ACTR3C: variants seen among roughly 807,000 people sequenced by gnomAD.
The protein encoded by ACTR3C is actin related protein 3C, also known as actin-related protein 3C.
Under a neutral mutation model 26.3 loss-of-function variants are expected in ACTR3C, and 18 were observed. The observed-to-expected ratio is 0.68, with a 90% CI of 0.47 to 1.01. ACTR3C has a LOEUF of 1.01. ACTR3C is among the 50% of genes least tolerant of loss of function. The pLI is 0.00. For missense variants in ACTR3C, 184 were observed against 250.7 expected, an observed-to-expected ratio of 0.73 and a Z score of 1.80; for synonymous variants, 55 against 94.5, an observed-to-expected ratio of 0.58 and a Z score of 2.42.
At chr7:150,001,641 T>TG in the ACTR3C span, 46 of 152,018 alleles carry the variant, frequency 3.0e-4, no homozygotes, top group East Asian at 5.8e-3. Context: ...CTCAAATACT[T>TG]GGAGGCATGA....
chr7:150,170,340 T>A, the ACTR3C span, among the ~76,000 whole-genome samples: 1 of 150,916 alleles, frequency 6.6e-6, no homozygotes, highest in South Asian at 2.1e-4. Context: ...TCTTCAACTC[T>A]GCCATGTTCT....
At chr7:150,206,195 G>A in the ACTR3C span, among the ~76,000 whole-genome samples, 1 of 152,104 alleles carries the variant, frequency 6.6e-6, no homozygotes, top group South Asian at 2.1e-4. Context: ...GACCATGCAC[G>A]GCTGTCAGTC....
At chr7:150,043,440 CT>C in the ACTR3C span, among the ~76,000 whole-genome samples, 1 of 152,190 alleles carries the variant, frequency 6.6e-6, no homozygotes, top group African/African-American at 2.4e-5. Context: ...CAAGAGTCAG[CT>C]TTTTTGCTTC....
chr7:150,223,145 G>C, the ACTR3C span, among the ~76,000 whole-genome samples: 3 of 152,200 alleles, frequency 2.0e-5, no homozygotes, highest in Admixed American at 2.0e-4. Flanking sequence ...CCATAGACTA[G>C]CTTTGCTTAT....
At chr7:149,961,957 A>G in the ACTR3C span, among the ~76,000 whole-genome samples, 1 of 147,254 alleles carries the variant, frequency 6.8e-6, no homozygotes, top group Admixed American at 6.6e-5. Context: ...ATGGGCTCAC[A>G]GGAAGTGTTC....
At chr7:150,144,677 C>A in the ACTR3C span, among the ~76,000 whole-genome samples, 1 of 152,144 alleles carries the variant, frequency 6.6e-6, no homozygotes, top group African/African-American at 2.4e-5. This position sits in a 1 kb window ranked among gnomAD's most constrained non-coding sequence, Gnocchi z 4.6. Context: ...ATGCCACCTG[C>A]TTTTACATGA....
chr7:150,252,570 T>C (rs1390936178), intron 6 of ACTR3C, among the ~76,000 whole-genome samples: 1 of 151,910 alleles, frequency 6.6e-6, no homozygotes, highest in Non-Finnish European at 1.5e-5. Context: ...AAATAAAGAG[T>C]AGATTTATAC....
At chr7:149,905,805 C>A in the ACTR3C span, among the ~76,000 whole-genome samples, 2 of 152,140 alleles carry the variant, frequency 1.3e-5, no homozygotes, top group African/African-American at 4.8e-5. Context: ...CAAGGATCTA[C>A]GAAACAGAAA....
At chr7:150,124,984 G>A in the ACTR3C span, among the ~76,000 whole-genome samples, 2 of 152,190 alleles carry the variant, frequency 1.3e-5, no homozygotes, top group African/African-American at 4.8e-5. Context: ...TTGAGTGACG[G>A]CTAGAGCCAT....
intron 3 of ACTR3C, among the ~76,000 whole-genome samples, chr7:150,290,813 C>A (rs1290614259): frequency 2.0e-5 from 3 of 152,166 alleles, no homozygotes; most frequent in Non-Finnish European, 4.4e-5. Flanking sequence ...AGCTTTCTAA[C>A]ACATAAACTA....
At chr7:150,042,582 G>T in the ACTR3C span, among the ~76,000 whole-genome samples, 5 of 146,234 alleles carry the variant, frequency 3.4e-5, no homozygotes, top group African/African-American at 8.2e-5. Flanking sequence ...CTCGCGGGGG[G>T]TGCCTCCCCC....
the ACTR3C span, among the ~76,000 whole-genome samples, chr7:150,097,880 G>A: frequency 2.0e-5 from 3 of 151,408 alleles, no homozygotes; most frequent in South Asian, 6.2e-4. Context: ...CTCTGGGCTT[G>A]GGCCTACCTT....
chr7:150,077,635 G>T, the ACTR3C span, among the ~76,000 whole-genome samples: 20,305 of 152,082 alleles, frequency 0.13, 1,415 homozygotes, highest in South Asian at 0.2. Context: ...GCTGTAGAAG[G>T]TTCTTCCTCC....
the ACTR3C span, among the ~76,000 whole-genome samples, chr7:149,920,113 C>T: frequency 6.6e-6 from 1 of 152,236 alleles, no homozygotes. Flanking sequence ...TATACTTCAA[C>T]CTCTCTATTT....
chr7:149,991,796 T>C, the ACTR3C span, among the ~76,000 whole-genome samples: 1 of 152,228 alleles, frequency 6.6e-6, no homozygotes, highest in Non-Finnish European at 1.5e-5. Context: ...AGTGGTGCAA[T>C]CATGGCTCAG....
the ACTR3C span, among the ~76,000 whole-genome samples, chr7:149,902,872 A>G: frequency 1.2e-5 from 1 of 84,492 alleles, no homozygotes; most frequent in African/African-American, 3.1e-5. Context: ...TTGAACCTGG[A>G]AAGTCAAGGC....
chr7:149,994,170 A>G, the ACTR3C span, among the ~76,000 whole-genome samples: 2 of 152,226 alleles, frequency 1.3e-5, no homozygotes, highest in Non-Finnish European at 2.9e-5. Flanking sequence ...TAAGGATGAT[A>G]CTAAAAAGTA....
chr7:149,948,635 C>T, the ACTR3C span, among the ~76,000 whole-genome samples: 1 of 151,364 alleles, frequency 6.6e-6, no homozygotes, highest in Non-Finnish European at 1.5e-5. Flanking sequence ...CGTCCCCGGG[C>T]AGTTGCTGGT....
the ACTR3C span, among the ~76,000 whole-genome samples, chr7:149,911,682 C>T: frequency 7.1e-6 from 1 of 140,816 alleles, no homozygotes; most frequent in Non-Finnish European, 1.5e-5. Context: ...AAAAAAAAAA[C>T]ACTGAAACGA....
Sources: gnomAD v4.1 joint callset for allele counts (sites outside exome capture counted in the v4.1 genomes callset) on GRCh38, gnomAD v4.1.1 for gene constraint, Gnocchi (gnomAD v3.1) non-coding constraint, MANE v1.5 for transcripts, NCBI Gene and HGNC (gene_info 2026-07-23, HGNC 2026-07-21) for gene names.